The following SCN9A variants were observed in gnomAD, a reference collection of about 807,000 sequenced individuals.
The protein encoded by SCN9A is sodium voltage-gated channel alpha subunit 9.
Under a neutral mutation model 187.0 loss-of-function variants are expected in SCN9A, and 131 were observed. The ratio of observed to expected loss-of-function variants is 0.70; its 90% CI spans 0.61 to 0.81. SCN9A has a LOEUF of 0.81. SCN9A is among the 30% of genes least tolerant of loss of function. The probability of loss-of-function intolerance (pLI) is 0.00; values close to 1 mark genes in which losing one functional copy is unlikely to be tolerated. For synonymous variants in SCN9A, 809 were observed against 808.6 expected (o/e 1.00, Z -0.01); for missense variants, 2,252 against 2,396.6 (o/e 0.94, Z 1.26).
At chr2:166,205,620 A>T (rs1228118825) in intron 24 of SCN9A, among the ~76,000 whole-genome samples, 1 of 152,206 alleles carries the variant, frequency 6.6e-6, no homozygotes, top group African/African-American at 2.4e-5. Flanking sequence ...TTCATGACTA[A>T]AACACCAAAA....
chr2:166,363,661 C>T (rs1330339792), intron 1 of SCN9A, among the ~76,000 whole-genome samples: 2 of 151,978 alleles, frequency 1.3e-5, no homozygotes, highest in Admixed American at 6.6e-5. Flanking sequence ...TGGAAACTCT[C>T]TTAGAGTCTA....
intron 1 of SCN9A, among the ~76,000 whole-genome samples, chr2:166,353,943 G>T (rs1159975860): frequency 6.6e-6 from 1 of 152,176 alleles, no homozygotes; most frequent in Non-Finnish European, 1.5e-5. Flanking sequence ...GATGAATGAA[G>T]ATGGTGAAAT....
chr2:166,235,201 C>T (rs565953431), intron 20 of SCN9A, among the ~76,000 whole-genome samples: 1 of 152,176 alleles, frequency 6.6e-6, no homozygotes, highest in African/African-American at 2.4e-5. Context: ...ATTGATACAG[C>T]CCCTAAAATA....
At chr2:166,293,052 T>G (rs1698146839) in intron 9 of SCN9A, among the ~76,000 whole-genome samples, 179 bp downstream of exon 9, 2 of 152,164 alleles carry the variant, frequency 1.3e-5, no homozygotes, top group South Asian at 4.1e-4. Flanking sequence ...AAATTATTTA[T>G]GATTCGAGAA....
Position 166,359,079 on chromosome 2 carries a change from G to A in SCN9A, c.-51+16618C>T, listed in dbSNP as rs144500679. On this transcript the variant is annotated intron_variant, in intron 1 of 26. Transcript: ENST00000642356. ...TCATATGTAACTATGTCTATTTCTG[G>A]ATATCGTATTTTCTTCCAATGAACT... 1.9e-3 allele frequency among the ~76,000 whole-genome samples: 290 copies of A among 151,928 alleles called. 1 individual carries two copies. The highest frequency in any genetic ancestry group is 0.01 in the Middle Eastern group (3 of 294).
intron 1 of SCN9A, among the ~76,000 whole-genome samples, chr2:166,321,935 G>C (rs1372709983): frequency 1.3e-5 from 2 of 151,574 alleles, no homozygotes; most frequent in South Asian, 2.1e-4. Flanking sequence ...CAGTCAATCT[G>C]TTGTCAAGCA....
chr2:166,355,789 A>AT (rs10538478), intron 1 of SCN9A, among the ~76,000 whole-genome samples: 9,641 of 146,036 alleles, frequency 0.066, 953 homozygotes, highest in African/African-American at 0.22. Flanking sequence ...TAGAAATGAG[A>AT]TTTTTTTTTT....
At chr2:166,289,735 G>C (rs1427611045) in intron 9 of SCN9A, among the ~76,000 whole-genome samples, 1 of 151,848 alleles carries the variant, frequency 6.6e-6, no homozygotes, top group Non-Finnish European at 1.5e-5. Flanking sequence ...TTCCACACTG[G>C]TTGAACTAAT....
At chr2:166,300,385 C>G (rs1698502639) in intron 7 of SCN9A, among the ~76,000 whole-genome samples, 1 of 150,942 alleles carries the variant, frequency 6.6e-6, no homozygotes, top group Admixed American at 6.6e-5. Flanking sequence ...CACACTTAAA[C>G]TATTTTATGG....
intron 19 of SCN9A, among the ~76,000 whole-genome samples, chr2:166,240,357 A>C (rs1695512439): frequency 6.6e-6 from 1 of 152,162 alleles, no homozygotes; most frequent in Non-Finnish European, 1.5e-5. Flanking sequence ...ACTTTTAAAA[A>C]ATCTAGTTTA....
intron 11 of SCN9A, among the ~76,000 whole-genome samples, chr2:166,285,965 T>C (rs928760784): frequency 6.6e-6 from 1 of 152,168 alleles, no homozygotes; most frequent in Non-Finnish European, 1.5e-5. Flanking sequence ...GAAGAGAAAC[T>C]AGTCTAAGAT....
intron 26 of SCN9A, among the ~76,000 whole-genome samples, chr2:166,203,717 G>A (rs773694615): frequency 6.6e-6 from 1 of 151,870 alleles, no homozygotes; most frequent in Non-Finnish European, 1.5e-5. Context: ...ATATCAACAA[G>A]TATAATTTCC....
chr2:166,286,949 G>A (rs1468050545), intron 10 of SCN9A, among the ~76,000 whole-genome samples: 1 of 152,124 alleles, frequency 6.6e-6, no homozygotes, highest in African/African-American at 2.4e-5. Flanking sequence ...CATAAACCAT[G>A]CAATAAGACA....
intron 23 of SCN9A, among the ~76,000 whole-genome samples, chr2:166,227,140 G>T (rs867310124): frequency 1.3e-5 from 2 of 151,918 alleles, no homozygotes; most frequent in South Asian, 2.1e-4. Flanking sequence ...ATTACCTAGG[G>T]AGTAATCATT....
intron 9 of SCN9A, 99 bp downstream of exon 9, chr2:166,293,132 A>G: frequency 3.8e-6 from 4 of 1,059,326 alleles, no homozygotes; most frequent in East Asian, 2.6e-5. Flanking sequence ...AGTTTCCTCC[A>G]TTCTCAAATA....
intron 1 of SCN9A, among the ~76,000 whole-genome samples, chr2:166,372,940 G>A (rs979373833): frequency 2.6e-5 from 4 of 152,126 alleles, no homozygotes; most frequent in Non-Finnish European, 5.9e-5. Flanking sequence ...GTAACAAGCA[G>A]TATGAAAGAA....
At chr2:166,294,966 T>C (rs1349882362) in intron 7 of SCN9A, among the ~76,000 whole-genome samples, 1 of 152,150 alleles carries the variant, frequency 6.6e-6, no homozygotes, top group Non-Finnish European at 1.5e-5. Flanking sequence ...AGTAAATAAA[T>C]AAATATACAA....
At chr2:166,207,816 A>G (rs1012620522) in intron 24 of SCN9A, among the ~76,000 whole-genome samples, 4 of 152,144 alleles carry the variant, frequency 2.6e-5, no homozygotes, top group South Asian at 2.1e-4. Context: ...CATCTCACCT[A>G]CTGGCAAGGC....
At chr2:166,308,665 G>C (rs2106530163) in intron 2 of SCN9A, among the ~76,000 whole-genome samples, 1 of 152,286 alleles carries the variant, frequency 6.6e-6, no homozygotes, top group Admixed American at 6.5e-5. Flanking sequence ...GCTCACGCCT[G>C]TGTTCCCAGC....
Sources: gnomAD v4.1 joint callset for allele counts (sites outside exome capture counted in the v4.1 genomes callset) on GRCh38, gnomAD v4.1.1 for gene constraint, MANE v1.5 for transcripts, NCBI Gene and HGNC (gene_info 2026-07-23, HGNC 2026-07-21) for gene names.